Variants in ELOC observed in about 807,000 individuals in gnomAD.
The protein encoded by ELOC is elongin C, also known as elongin-C.
For missense variants in ELOC, 38 were observed against 139.0 expected (o/e 0.27, Z 3.65); for synonymous variants, 40 against 51.3 (o/e 0.78, Z 0.94).
chr8:73,961,334 C>T (rs1368696399), intron 1 of ELOC, among the ~76,000 whole-genome samples: 3 of 152,290 alleles, frequency 2.0e-5, no homozygotes, highest in Non-Finnish European at 4.4e-5. Flanking sequence ...TGAACCATAA[C>T]ACTTCAACGC....
intron 3 of ELOC, chr8:73,955,615 A>C (rs1814119444): frequency 3.7e-6 from 1 of 270,316 alleles, no homozygotes; most frequent in African/African-American, 2.2e-5. Context: ...CAAAAAAAAA[A>C]AAAAAAATTA....
At chr8:73,946,943 G>T in intron 3 of ELOC, 123 bp from the exon 4 acceptor site, 1 of 729,884 alleles carries the variant, frequency 1.4e-6, no homozygotes, top group Admixed American at 3.0e-5. Context: ...CTTTAAAGAG[G>T]TAATTAAAAG....
At chr8:73,969,112 A>ACCT (rs1815188371) in intron 1 of ELOC, among the ~76,000 whole-genome samples, 1 of 152,158 alleles carries the variant, frequency 6.6e-6, no homozygotes, top group Non-Finnish European at 1.5e-5. Context: ...CCCGAGTGCC[A>ACCT]GTCGTGAATA....
At position 73,946,583 on chromosome 8, in the gene ELOC, G is replaced by T. The variant is rs1426017798; in HGVS notation, c.*47C>A. The stretch of plus-strand genomic sequence containing the variant: ...GAAAAAGTTACTAACTGAACTACAG[G>T]TATTAAATACTGAAAAGAGTTAACA... On this transcript the variant is annotated 3_prime_UTR_variant, in exon 4 of 4. Coordinates refer to ENST00000520242, the MANE Select transcript of ELOC (RefSeq NM_005648.4). The T allele has an allele frequency of 1.4e-6, 2 of 1,417,978 alleles. No homozygotes were observed. Among genetic ancestry groups the T allele is most frequent in the African/African-American group, 2.9e-5 (2 of 69,042 alleles). The allele number at this position is 1,417,978 out of a possible 1,614,324, so 87.8% of individuals were successfully genotyped here.
chr8:73,958,361 CTA>C (rs1394694709), intron 2 of ELOC, among the ~76,000 whole-genome samples: 1 of 152,108 alleles, frequency 6.6e-6, no homozygotes, highest in Non-Finnish European at 1.5e-5. Context: ...AAATGTTCAT[CTA>C]TGTTACATTG....
chr8:73,957,172 CA>C (rs75391050), intron 2 of ELOC, among the ~76,000 whole-genome samples: 45,094 of 128,442 alleles, frequency 0.35, 6,839 homozygotes, highest in Admixed American at 0.43. Context: ...GACCCTGTCT[CA>C]AAAAAAAAAA....
At chr8:73,953,524 A>G (rs1040409336) in intron 3 of ELOC, among the ~76,000 whole-genome samples, 1 of 149,826 alleles carries the variant, frequency 6.7e-6, no homozygotes, top group Non-Finnish European at 1.5e-5. Context: ...TAAAATACAA[A>G]ATTAGCTGGG....
intron 1 of ELOC, among the ~76,000 whole-genome samples, chr8:73,967,468 C>CTTTT (rs201615321): frequency 4.0e-4 from 55 of 135,854 alleles, no homozygotes; most frequent in African/African-American, 1.4e-3. Context: ...ATTTTCTTTT[C>CTTTT]TTTTTTTTTT....
At chr8:73,970,315 A>G (rs1454622232) in intron 1 of ELOC, among the ~76,000 whole-genome samples, 1 of 152,232 alleles carries the variant, frequency 6.6e-6, no homozygotes, top group East Asian at 1.9e-4. Flanking sequence ...AATCTACCAA[A>G]AAAACCAAGA....
chr8:73,951,374 G>C (rs1026418606), intron 3 of ELOC, among the ~76,000 whole-genome samples: 5 of 151,974 alleles, frequency 3.3e-5, no homozygotes, highest in Admixed American at 6.6e-5. Context: ...TAAAAACATA[G>C]AAGAATTGTG....
At chr8:73,952,772 GAA>G (rs34157631) in intron 3 of ELOC, among the ~76,000 whole-genome samples, 1 of 138,944 alleles carries the variant, frequency 7.2e-6, no homozygotes. Context: ...CAGGTGTCTC[GAA>G]AAAAAAAAAA....
At chr8:73,955,758 CTG>C (rs1372530255) in intron 3 of ELOC, 151 bp downstream of exon 3, 5 of 909,544 alleles carry the variant, frequency 5.5e-6, no homozygotes, top group Non-Finnish European at 8.5e-6. Context: ...GAATGAGACT[CTG>C]TCTCTCTCAA....
chr8:73,953,887 C>T (rs74629544), intron 3 of ELOC, among the ~76,000 whole-genome samples: 10,925 of 152,144 alleles, frequency 0.072, 568 homozygotes, highest in Admixed American at 0.16. Flanking sequence ...ATTATTTGTA[C>T]ACAAGTGTTC....
chr8:73,969,934 C>A (rs1053005716), intron 1 of ELOC, among the ~76,000 whole-genome samples: 1 of 152,210 alleles, frequency 6.6e-6, no homozygotes, highest in African/African-American at 2.4e-5. Flanking sequence ...TCTGCTCTTA[C>A]TTAATAACAA....
rs943795909 is a variant in ELOC, at chr8:73,945,777, C to A, written c.*853G>T. The stretch of plus-strand genomic sequence containing the variant: ...TGGATGGAGAAAGACTGGAATAGTT[C>A]AAAAAGGTGTAGCTTTTAAGATCTG... On this transcript the variant is annotated 3_prime_UTR_variant, in exon 4 of 4. Transcript: ENST00000520242. The A allele has an allele frequency of 5.3e-5, 8 of 152,028 alleles. No individual in the cohort carries two copies. The highest frequency in any genetic ancestry group is 1.9e-4 in the African/African-American group (8 of 41,388). 9.4% of individuals were successfully genotyped at this position (152,028 alleles called of 1,614,324 possible). A position where few individuals can be genotyped will look rare whatever the true frequency, so the allele number is the denominator to read the frequency against.
intron 3 of ELOC, among the ~76,000 whole-genome samples, chr8:73,955,157 T>C (rs201652628): frequency 7.9e-5 from 12 of 151,948 alleles, no homozygotes; most frequent in African/African-American, 2.7e-4. Context: ...CAATTTTTTT[T>C]CCCCAATGCA....
intron 1 of ELOC, among the ~76,000 whole-genome samples, chr8:73,971,635 A>T (rs1269517124): frequency 9.9e-5 from 15 of 152,014 alleles, no homozygotes; most frequent in Admixed American, 9.8e-4. Flanking sequence ...GAATCACCCA[A>T]CAAGTTACCC....
intron 1 of ELOC, among the ~76,000 whole-genome samples, chr8:73,966,640 TC>T: frequency 6.6e-6 from 1 of 151,206 alleles, no homozygotes; most frequent in South Asian, 2.1e-4. Flanking sequence ...GGCTAAAATT[TC>T]TTTTTTTTTT....
chr8:73,958,693 A>G (rs955741586), intron 2 of ELOC, among the ~76,000 whole-genome samples: 1 of 152,226 alleles, frequency 6.6e-6, no homozygotes, highest in Non-Finnish European at 1.5e-5. Flanking sequence ...AACAGAAAAC[A>G]TTGTATGTTT....
Sources: gnomAD v4.1 joint callset for allele counts (sites outside exome capture counted in the v4.1 genomes callset) on GRCh38, gnomAD v4.1.1 for gene constraint, MANE v1.5 for transcripts, NCBI Gene and HGNC (gene_info 2026-07-23, HGNC 2026-07-21) for gene names.